Variants in LRRC39 observed in about 807,000 individuals in gnomAD.
LRRC39 encodes leucine rich repeat containing 39.
In LRRC39, 35 loss-of-function variants were observed where a neutral mutation model predicts 39.7. That is an observed-to-expected ratio of 0.88 (90% CI 0.67 to 1.17). The LOEUF (loss-of-function observed/expected upper bound fraction) is 1.17, where lower values mean the gene tolerates loss of function less well. Among genes scored for constraint, LRRC39 ranks in the 50% most tolerant of loss-of-function variants. The pLI is 0.00. For missense variants in LRRC39, 357 were observed against 385.8 expected, an observed-to-expected ratio of 0.93 and a Z score of 0.62; for synonymous variants, 113 against 134.1, an observed-to-expected ratio of 0.84 and a Z score of 1.09.
chr1:100,176,170 C>T (rs973271579), intron 1 of LRRC39, among the ~76,000 whole-genome samples: 1 of 152,172 alleles, frequency 6.6e-6, no homozygotes, highest in Non-Finnish European at 1.5e-5. Flanking sequence ...TGGTGGCTCA[C>T]GCCTGTAATC....
At chr1:100,153,097 A>C (rs890195137) in intron 8 of LRRC39, among the ~76,000 whole-genome samples, 1 of 152,238 alleles carries the variant, frequency 6.6e-6, no homozygotes, top group East Asian at 1.9e-4. Flanking sequence ...ATATAAAATT[A>C]GTGCTATGAA....
At chr1:100,155,767 C>A (rs1001860080) in intron 7 of LRRC39, among the ~76,000 whole-genome samples, 1 of 152,218 alleles carries the variant, frequency 6.6e-6, no homozygotes, top group Non-Finnish European at 1.5e-5. Context: ...TGCCCACTTA[C>A]TAACTTGAGC....
intron 9 of LRRC39, 131 bp from the exon 10 acceptor site, chr1:100,149,228 A>G (rs1414043085): frequency 2.3e-5 from 35 of 1,496,416 alleles, no homozygotes; most frequent in Middle Eastern, 1.9e-4. Context: ...ATTGATTGTA[A>G]CAAGGGCCAA....
At chr1:100,151,126 CAAA>C (rs772782982) in intron 9 of LRRC39, among the ~76,000 whole-genome samples, 6 of 43,666 alleles carry the variant, frequency 1.4e-4, no homozygotes, top group East Asian at 1.8e-3. Flanking sequence ...AGAAACTCCT[CAAA>C]AAAAAAAAAA....
intron 3 of LRRC39, among the ~76,000 whole-genome samples, chr1:100,166,262 G>C (rs1185420244): frequency 6.6e-6 from 1 of 152,104 alleles, no homozygotes; most frequent in Non-Finnish European, 1.5e-5. Context: ...CCGATAGAGT[G>C]GGGCACTGCT....
At position 100,159,334 on chromosome 1, in the gene LRRC39, A is replaced by C. The variant is rs1658700040; in HGVS notation, c.301T>G (p.Phe101Val). 1.2e-6 allele frequency: 2 copies of C among 1,611,946 alleles called. No homozygotes were observed. Among genetic ancestry groups the C allele is most frequent in the African/African-American group, 1.3e-5 (1 of 74,904 alleles). The change falls in exon 5 of 10, where the codon TTC becomes GTC. Residue 101 changes from phenylalanine to valine, a missense_variant. Coordinates refer to ENST00000370137, the MANE Select transcript of LRRC39 (RefSeq NM_144620.4). Reference protein sequence around the residue: ...HRTGLLKIPEFIGRFQNLIVL... With the variant: ...HRTGLLKIPEVIGRFQNLIVL... ...ATGAGGTTCTGGAATCTTCCAATGA[A>C]TTCAGGAATTTTCAGCAAACCAGTT...
At chr1:100,159,040 C>T (rs1658684494) in intron 5 of LRRC39, among the ~76,000 whole-genome samples, 1 of 151,996 alleles carries the variant, frequency 6.6e-6, no homozygotes, top group African/African-American at 2.4e-5. Flanking sequence ...GGATATTTTC[C>T]AAAGAGGCTT....
intron 6 of LRRC39, among the ~76,000 whole-genome samples, chr1:100,157,159 G>T (rs1352192689): frequency 6.6e-6 from 1 of 152,118 alleles, no homozygotes; most frequent in African/African-American, 2.4e-5. Context: ...ATATGGTTTG[G>T]CTGTGTCCCC....
In LRRC39 at chr1:100,148,752, G is replaced by A. The variant is rs771036279; in HGVS notation, c.*290C>T. On this transcript the variant is annotated 3_prime_UTR_variant, in exon 10 of 10. Coordinates refer to ENST00000370137, the MANE Select transcript of LRRC39 (RefSeq NM_144620.4). ...TTTGCAGTACTATACAGACCCTCTG[G>A]TGTCTTTGGAAAATGTTTTGTTAAC... The A allele has an allele frequency of 1.3e-6, 2 of 1,573,108 alleles. No individual in the cohort carries two copies. Among genetic ancestry groups the A allele is most frequent in the South Asian group, 1.2e-5 (1 of 82,730 alleles).
At chr1:100,169,736 C>A (rs1659473484) in intron 2 of LRRC39, among the ~76,000 whole-genome samples, 1 of 152,026 alleles carries the variant, frequency 6.6e-6, no homozygotes, top group African/African-American at 2.4e-5. Context: ...CTATTATAAG[C>A]AATAATGTTT....
At chr1:100,152,603 A>G in intron 8 of LRRC39, 79 bp from the exon 9 acceptor site, 2 of 1,448,430 alleles carry the variant, frequency 1.4e-6, no homozygotes, top group Non-Finnish European at 1.9e-6. Context: ...AGGTCAAATG[A>G]TAATATACTA....
chr1:100,160,477 CTT>C lies in LRRC39; in HGVS notation c.206_207del (p.Lys69ArgfsTer23). 6.2e-7 allele frequency: 1 copy of C among 1,613,042 alleles called. No individual in the cohort carries two copies. Among genetic ancestry groups the C allele is most frequent in the Non-Finnish European group, 8.5e-7 (1 of 1,179,518 alleles). On this transcript the variant is annotated frameshift_variant, in exon 4 of 10. Transcript: ENST00000370137. LOFTEE classifies it high-confidence loss of function. ...CTATAAAAGCTTACCTTCCATTCCTCTTTTTCTATCTTCAAAATGACTCTTCC... is the reference window on the plus strand; with the variant it reads ...CTATAAAAGCTTACCTTCCATTCCTCTTTCTATCTTCAAAATGACTCTTCC... ...EDGRVILKIE[K>X]EEWKTLPSSL...
chr1:100,167,031 G>A (rs1332164883), intron 3 of LRRC39, among the ~76,000 whole-genome samples: 1 of 152,102 alleles, frequency 6.6e-6, no homozygotes, highest in Non-Finnish European at 1.5e-5. Context: ...AATACACCAG[G>A]GATGAATCTT....
At chr1:100,173,155 G>A (rs762575629) in intron 2 of LRRC39, among the ~76,000 whole-genome samples, 176 bp downstream of exon 2, 51 of 151,488 alleles carry the variant, frequency 3.4e-4, no homozygotes, top group Non-Finnish European at 4.7e-4. Flanking sequence ...CAGGAGAATC[G>A]CTTGAACCCA....
At position 100,160,542 on chromosome 1, in the gene LRRC39, C is replaced by T; in HGVS notation, c.143G>A (p.Ser48Asn). Residue 48 changes from serine to asparagine, a missense_variant, in exon 4 of 10, where the codon AGC (serine) becomes AAC (asparagine). By Grantham distance (46) the Ser-to-Asn change is conservative (BLOSUM62 1). Transcript: ENST00000370137. ...GACCTTTTCTCTTAGCTTGGTTAAG[C>T]TTACTCGTTCTTCCCAGATCCGCAC... ...KLVRIWEERV[S>N]LTKLREKVTR... 1.2e-6 allele frequency: 2 copies of T among 1,613,746 alleles called. No homozygotes were observed. The highest frequency in any genetic ancestry group is 1.7e-6 in the Non-Finnish European group (2 of 1,179,788).
Position 100,148,595 on chromosome 1 carries a change from CAAT to C in LRRC39, c.*444_*446del. On this transcript the variant is annotated 3_prime_UTR_variant, in exon 10 of 10. Coordinates refer to ENST00000370137, the MANE Select transcript of LRRC39 (RefSeq NM_144620.4). ...TTTATAAACTTTTGCAAAATTTTAA[CAAT>C]GTTTTGTGTGTGTTTATTCAATTTA... The C allele has an allele frequency of 6.4e-7, 1 of 1,571,834 alleles. No individual in the cohort carries two copies. Among genetic ancestry groups the C allele is most frequent in the Non-Finnish European group, 8.6e-7 (1 of 1,163,966 alleles).
In LRRC39 at chr1:100,156,327, A is replaced by C; in HGVS notation, c.514-10T>G. ...TTAGCAGATTGCTGAGCTGAAGAAG[A>C]AAGCAAGGTTTTTCAAAATAAATGT... On this transcript the variant is annotated splice_polypyrimidine_tract_variant and intron_variant, in intron 6 of 9. Transcript: ENST00000370137. The C allele has an allele frequency of 6.3e-7, 1 of 1,586,800 alleles. No homozygotes were observed. The highest frequency in any genetic ancestry group is 1.1e-5 in the South Asian group (1 of 87,452).
chr1:100,158,414 C>A, intron 5 of LRRC39, 47 bp from the exon 6 acceptor site: 1 of 1,534,834 alleles, frequency 6.5e-7, no homozygotes. Flanking sequence ...ATAAAATAAT[C>A]TTTATAGTTA....
intron 9 of LRRC39, chr1:100,149,325 G>T (rs1657716188): frequency 1.3e-6 from 2 of 1,540,970 alleles, no homozygotes; most frequent in Admixed American, 4.1e-5. Context: ...ACAATTCAGA[G>T]ATATTCACAA....
Sources: allele counts gnomAD v4.1 joint callset (sites outside exome capture counted in the v4.1 genomes callset), GRCh38; gene constraint gnomAD v4.1.1; transcripts MANE v1.5; gene names NCBI Gene and HGNC (gene_info 2026-07-23, HGNC 2026-07-21).